The following STARD6 variants were observed in gnomAD, a reference collection of about 807,000 sequenced individuals.
STARD6 encodes StAR related lipid transfer domain containing 6.
A neutral mutation model predicts 22.3 loss-of-function variants in STARD6; 21 were observed. That is an observed-to-expected ratio of 0.94 (90% CI 0.67 to 1.35). The LOEUF (loss-of-function observed/expected upper bound fraction) is 1.35. Among genes scored for constraint, STARD6 ranks in the 40% most tolerant of loss-of-function variants. STARD6 has a pLI of 0.00. For missense variants in STARD6, 269 were observed against 266.9 expected, an observed-to-expected ratio of 1.01 and a Z score of -0.05; for synonymous variants, 80 against 88.1, an observed-to-expected ratio of 0.91 and a Z score of 0.52.
chr18:54,325,844 C>G (rs1262355037), intron 7 of STARD6, among the ~76,000 whole-genome samples: 1 of 152,094 alleles, frequency 6.6e-6, no homozygotes, highest in Non-Finnish European at 1.5e-5. Flanking sequence ...CCCACCTCAC[C>G]CAGCCCCATT....
At chr18:54,336,006 T>C (rs915036010) in intron 5 of STARD6, among the ~76,000 whole-genome samples, 4 of 152,160 alleles carry the variant, frequency 2.6e-5, no homozygotes, top group Non-Finnish European at 5.9e-5. Flanking sequence ...CCATGTATCA[T>C]TATTCCTGTC....
intron 4 of STARD6, among the ~76,000 whole-genome samples, chr18:54,350,154 T>C (rs1191222572): frequency 2.6e-5 from 4 of 152,186 alleles, no homozygotes; most frequent in Non-Finnish European, 4.4e-5. Flanking sequence ...GTATTATTTT[T>C]TGATTTTTAA....
chr18:54,343,333 A>G (rs1224521067), intron 4 of STARD6, among the ~76,000 whole-genome samples: 116 of 126,522 alleles, frequency 9.2e-4, no homozygotes, highest in African/African-American at 2.9e-3. Flanking sequence ...AGTGAGGAGC[A>G]TCTCCGCCCG....
At chr18:54,337,332 G>C (rs956478487) in intron 4 of STARD6, 81 bp from the exon 5 acceptor site, 1 of 1,345,606 alleles carries the variant, frequency 7.4e-7, no homozygotes, top group African/African-American at 1.5e-5. Context: ...AAAGCATAAA[G>C]GTAGGCTAAT....
chr18:54,352,872 A>G (rs2089110773), intron 4 of STARD6, among the ~76,000 whole-genome samples: 2 of 152,220 alleles, frequency 1.3e-5, no homozygotes, highest in Admixed American at 1.3e-4. Flanking sequence ...AAAAATGCCA[A>G]GGTTGCTGTC....
intron 4 of STARD6, among the ~76,000 whole-genome samples, chr18:54,346,218 G>A (rs187930977): frequency 3.3e-5 from 5 of 152,004 alleles, no homozygotes; most frequent in African/African-American, 9.6e-5. Flanking sequence ...CCAACTCAAC[G>A]ATAAAAAGAA....
At chr18:54,334,301 C>T (rs1244530138) in intron 5 of STARD6, among the ~76,000 whole-genome samples, 4 of 152,184 alleles carry the variant, frequency 2.6e-5, no homozygotes, top group Admixed American at 2.6e-4. Context: ...AGCCTCATAA[C>T]TGTTTTTGCT....
chr18:54,347,460 A>G (rs931591979), intron 4 of STARD6, among the ~76,000 whole-genome samples: 3 of 152,122 alleles, frequency 2.0e-5, no homozygotes, highest in African/African-American at 4.8e-5. Flanking sequence ...TTATTTGTGA[A>G]AGAGAATTGT....
chr18:54,336,981 A>C, intron 5 of STARD6, 144 bp downstream of exon 5: 1 of 634,280 alleles, frequency 1.6e-6, no homozygotes, highest in East Asian at 2.9e-5. Context: ...AAAGTAGGGA[A>C]GTTTTAAAGC....
chr18:54,344,701 G>A (rs1023893205), intron 4 of STARD6, among the ~76,000 whole-genome samples: 5 of 151,004 alleles, frequency 3.3e-5, no homozygotes, highest in Non-Finnish European at 5.9e-5. Flanking sequence ...GGATTATAAA[G>A]CATGACCAAG....
intron 5 of STARD6, 143 bp downstream of exon 5, chr18:54,336,982 G>A: frequency 1.5e-6 from 1 of 681,298 alleles, no homozygotes; most frequent in Non-Finnish European, 2.2e-6. Flanking sequence ...AAGTAGGGAA[G>A]TTTTAAAGCT....
In STARD6 at chr18:54,331,801, C is replaced by A; in HGVS notation, c.326G>T (p.Arg109Leu). The change falls in exon 6 of 8, where the codon CGA (arginine) becomes CTA (leucine). Residue 109 changes from arginine (R) to leucine (L), a missense_variant. Physicochemically the swap from Arg to Leu is moderately radical, Grantham distance 102. Transcript: ENST00000307844. ...QSFAVGSISP[R>L]DFIDLVYIKR... ...GATGTACACTAAGTCGATAAAGTCT[C>A]GAGGGGAAATGGAGCCCACGGCAAA... 2 of 1,613,194 alleles carry A rather than the reference C, an allele frequency of 1.2e-6. No individual in the cohort carries two copies. The highest frequency in any genetic ancestry group is 1.7e-6 in the Non-Finnish European group (2 of 1,179,462).
At chr18:54,331,717 A>T in intron 6 of STARD6, 25 bp downstream of exon 6, 3 of 1,523,758 alleles carry the variant, frequency 2.0e-6, no homozygotes, top group Non-Finnish European at 2.7e-6. Context: ...TAATTCCAAG[A>T]TATGGGCAAA....
chr18:54,355,009 G>A lies in STARD6; in HGVS notation c.-4-432C>T, dbSNP rs536384764. Among the ~76,000 whole-genome samples, 28 of 152,248 alleles carry A rather than the reference G, an allele frequency of 1.8e-4. No individual in the cohort carries two copies. In the South Asian group the frequency reaches 5.6e-3, roughly 30 times the overall value. ...TTAATTTCTAACAGTTTAATCACAC[G>A]TCCTTTGTCTTGTGAAGCATTATGA... On this transcript the variant is annotated intron_variant, in intron 2 of 7. Transcript: ENST00000307844.
intron 5 of STARD6, among the ~76,000 whole-genome samples, chr18:54,334,900 G>C (rs981669532): frequency 1.3e-5 from 2 of 152,174 alleles, no homozygotes; most frequent in Admixed American, 1.3e-4. Flanking sequence ...CTTCCCTTAT[G>C]TGTCCCTAGT....
intron 4 of STARD6, among the ~76,000 whole-genome samples, chr18:54,339,701 G>T (rs762526280): frequency 6.6e-6 from 1 of 152,176 alleles, no homozygotes; most frequent in Admixed American, 6.5e-5. Context: ...ATTGGTAGTA[G>T]TCCTGCCTTA....
At chr18:54,348,578 C>T (rs2089061192) in intron 4 of STARD6, among the ~76,000 whole-genome samples, 1 of 152,064 alleles carries the variant, frequency 6.6e-6, no homozygotes, top group African/African-American at 2.4e-5. Flanking sequence ...GGCCCTTATT[C>T]ATTTGTAAAA....
At position 54,336,444 on chromosome 18, in the gene STARD6, T is replaced by C. The variant is rs59781798; in HGVS notation, c.267+681A>G. Among the ~76,000 whole-genome samples, 917 of 152,298 alleles carry C rather than the reference T, an allele frequency of 6.0e-3. 8 individuals are homozygous for C. Among genetic ancestry groups the C allele is most frequent in the African/African-American group, 0.021 (886 of 41,542 alleles). Reference sequence around the variant, plus strand: ...TCTCCTTTGCCTTCTACCATGATTATAAGTTTCCTGAGACCTCCCCACCAA... The same window carrying C: ...TCTCCTTTGCCTTCTACCATGATTACAAGTTTCCTGAGACCTCCCCACCAA... On this transcript the variant is annotated intron_variant, in intron 5 of 7. Transcript: ENST00000307844.
intron 5 of STARD6, among the ~76,000 whole-genome samples, chr18:54,333,037 A>G (rs942445397): frequency 1.3e-5 from 2 of 152,248 alleles, no homozygotes; most frequent in African/African-American, 2.4e-5. Flanking sequence ...TCCTGGTTCT[A>G]TCACATATTG....
Sources: allele counts gnomAD v4.1 joint callset (sites outside exome capture counted in the v4.1 genomes callset), GRCh38; gene constraint gnomAD v4.1.1; transcripts MANE v1.5; gene names NCBI Gene and HGNC (gene_info 2026-07-23, HGNC 2026-07-21).